C11orf65: variants seen among roughly 807,000 people sequenced by gnomAD.
C11orf65 encodes the protein protein MFI.
Under a neutral mutation model 35.3 loss-of-function variants are expected in C11orf65, and 38 were observed. The observed-to-expected ratio is 1.08, with a 90% CI of 0.83 to 1.41. The LOEUF (loss-of-function observed/expected upper bound fraction) is 1.41. Ranked by LOEUF, C11orf65 falls within the 40% of genes most tolerant of loss-of-function variation. C11orf65 has a pLI of 0.00. For missense variants in C11orf65, 370 were observed against 367.1 expected (o/e 1.01, Z -0.06); for synonymous variants, 105 against 114.4 (o/e 0.92, Z 0.53).
intron 2 of C11orf65, among the ~76,000 whole-genome samples, chr11:108,373,618 G>A (rs1565619378): frequency 6.6e-6 from 1 of 152,240 alleles, no homozygotes; most frequent in African/African-American, 2.4e-5. Context: ...GGTGATTTCT[G>A]CATTTCCATC....
chr11:108,460,709 A>T (rs2093462846), intron 2 of C11orf65, among the ~76,000 whole-genome samples: 1 of 151,616 alleles, frequency 6.6e-6, no homozygotes, highest in Admixed American at 6.6e-5. Flanking sequence ...ACTTTTTGAA[A>T]TGTTAAAAAA....
chr11:108,330,516 C>A, downstream of C11orf65: 1 of 1,277,294 alleles, frequency 7.8e-7, no homozygotes, highest in Non-Finnish European at 1.1e-6. Flanking sequence ...CTTTGTATTC[C>A]TAGCACTTGG....
downstream of C11orf65, chr11:108,331,230 C>G (rs995478425): frequency 2.9e-5 from 37 of 1,255,610 alleles, no homozygotes; most frequent in South Asian, 6.4e-4. Context: ...AATTTAGGAC[C>G]AAATATTTTG....
At chr11:108,352,071 G>A (rs1319786158) in intron 2 of C11orf65, among the ~76,000 whole-genome samples, 3 of 152,150 alleles carry the variant, frequency 2.0e-5, no homozygotes, top group African/African-American at 7.2e-5. Flanking sequence ...GTTTAAGGAA[G>A]ATCCTGAGTC....
At chr11:108,329,500 G>A (rs749348557), downstream of C11orf65, among the ~76,000 whole-genome samples, 1 of 151,572 alleles carries the variant, frequency 6.6e-6, no homozygotes, top group African/African-American at 2.4e-5. Context: ...CTGCAACCTC[G>A]ACCTCCTGGA....
chr11:108,361,869 A>T (rs1237135761), intron 2 of C11orf65, among the ~76,000 whole-genome samples: 1 of 151,492 alleles, frequency 6.6e-6, no homozygotes, highest in African/African-American at 2.4e-5. Context: ...AGGCATTACC[A>T]TTCAGGACAT....
chr11:108,318,901 C>T (rs754734294), intron 6 of C11orf65, among the ~76,000 whole-genome samples: 11 of 151,712 alleles, frequency 7.3e-5, no homozygotes, highest in Admixed American at 4.6e-4. Context: ...ATTGGCCGAG[C>T]GCGGTGGCTC....
At chr11:108,368,729 G>C (rs2091456470) in intron 2 of C11orf65, 1 of 214,426 alleles carries the variant, frequency 4.7e-6, no homozygotes, top group Non-Finnish European at 9.4e-6. Context: ...GGAGATAATA[G>C]CTTTCCCACC....
At chr11:108,327,533 C>T, downstream of C11orf65, 2 of 818,906 alleles carry the variant, frequency 2.4e-6, no homozygotes, top group South Asian at 1.5e-5. Context: ...TTTTTTTTTC[C>T]CACCCACCAA....
In C11orf65 at chr11:108,368,706, T is replaced by G. The variant is rs764033869; in HGVS notation, c.226+24502A>C. The stretch of plus-strand genomic sequence containing the variant: ...AAATTATAGACTGCTTGAACAGTTG[T>G]GTCCAGATTAAGGGAGATAATAGCT... On this transcript the variant is annotated intron_variant, in intron 2 of 3. Coordinates refer to the C11orf65 transcript ENST00000524755. 233 of 216,082 alleles carry G rather than the reference T, an allele frequency of 1.1e-3. No homozygotes were observed. Among genetic ancestry groups the G allele is most frequent in the Non-Finnish European group, 1.7e-3 (182 of 107,226 alleles). 13.4% of individuals were successfully genotyped at this position (216,082 alleles called of 1,614,324 possible).
At chr11:108,454,627 T>G (rs774809233) in intron 2 of C11orf65, among the ~76,000 whole-genome samples, 30 of 152,164 alleles carry the variant, frequency 2.0e-4, no homozygotes, top group Non-Finnish European at 3.5e-4. Flanking sequence ...ATTTATTTAT[T>G]TATTTATTTA....
chr11:108,386,534 C>G (rs529448115), intron 7 of C11orf65, among the ~76,000 whole-genome samples: 1 of 152,272 alleles, frequency 6.6e-6, no homozygotes, highest in African/African-American at 2.4e-5. Context: ...AGCTCCTGAA[C>G]AGAGACTGAA....
chr11:108,358,162 A>T lies in C11orf65; in HGVS notation c.227-22870T>A, dbSNP rs2090255214. ...ATGTGAAGAATGCAGAAGCCTCAGG[A>T]GCCGATGCGATCAACTGGAAGAAAG... On this transcript the variant is annotated intron_variant, in intron 2 of 3. Transcript: ENST00000524755. Among the ~76,000 whole-genome samples the T allele has an allele frequency of 2.6e-5, 4 of 151,826 alleles. No homozygotes were observed. In the South Asian group the frequency reaches 8.3e-4, roughly 32 times the overall value.
chr11:108,445,561 C>T (rs995351324), intron 2 of C11orf65, among the ~76,000 whole-genome samples: 1 of 152,096 alleles, frequency 6.6e-6, no homozygotes, highest in Admixed American at 6.6e-5. Context: ...AGCTGAGGGT[C>T]CTGTCTGTCA....
chr11:108,450,863 C>T (rs1281913413), intron 2 of C11orf65, among the ~76,000 whole-genome samples: 1 of 151,906 alleles, frequency 6.6e-6, no homozygotes, highest in African/African-American at 2.4e-5. Flanking sequence ...GTACACAAAT[C>T]AATAAATGTA....
chr11:108,385,587 C>T (rs1410869404), intron 8 of C11orf65, among the ~76,000 whole-genome samples: 1 of 151,666 alleles, frequency 6.6e-6, no homozygotes. Flanking sequence ...GAGGCTCAGG[C>T]AGGAGAATGG....
intron 3 of C11orf65, among the ~76,000 whole-genome samples, chr11:108,419,119 T>C (rs2092780417): frequency 6.6e-6 from 1 of 152,174 alleles, no homozygotes; most frequent in South Asian, 2.1e-4. Context: ...AGTAGAAACA[T>C]TTCCCAATTT....
rs538603533 is a variant in C11orf65, at chr11:108,312,193, G to A, written c.641-3122C>T. Among the ~76,000 whole-genome samples, 10 of 152,180 alleles carry A rather than the reference G, an allele frequency of 6.6e-5. No homozygotes were observed. The South Asian group carries it at 1.0e-3, about 16-fold the overall frequency. On this transcript the variant is annotated intron_variant, in intron 6 of 6. Transcript: ENST00000525729. Reference sequence around the variant, plus strand: ...ATAAATAATCATATTTTTGCATATAGGCTTCCCATATGTAGATTATTCTTA... The same window carrying A: ...ATAAATAATCATATTTTTGCATATAAGCTTCCCATATGTAGATTATTCTTA...
chr11:108,350,989 C>T (rs958777862), intron 2 of C11orf65, among the ~76,000 whole-genome samples: 1 of 152,024 alleles, frequency 6.6e-6, no homozygotes, highest in Non-Finnish European at 1.5e-5. Flanking sequence ...TTCATAATAG[C>T]CCCTAACTGG....
Sources: gnomAD v4.1 joint callset for allele counts (sites outside exome capture counted in the v4.1 genomes callset) on GRCh38, gnomAD v4.1.1 for gene constraint, MANE v1.5 for transcripts, NCBI Gene and HGNC (gene_info 2026-07-23, HGNC 2026-07-21) for gene names.